Variants in BCKDHB observed in about 807,000 individuals in gnomAD.
BCKDHB encodes branched chain keto acid dehydrogenase E1 subunit beta.
Under a neutral mutation model 48.5 loss-of-function variants are expected in BCKDHB, and 41 were observed. That is an observed-to-expected ratio of 0.85 (90% CI 0.66 to 1.10). The LOEUF is 1.10. Among genes scored for constraint, BCKDHB ranks in the 50% least tolerant of loss-of-function variants. The pLI is 0.00. For missense variants in BCKDHB, 496 were observed against 494.2 expected (o/e 1.00, Z -0.03); for synonymous variants, 201 against 174.8 (o/e 1.15, Z -1.18).
chr6:80,125,100 C>T (rs1770273270), intron 1 of BCKDHB, among the ~76,000 whole-genome samples: 1 of 152,192 alleles, frequency 6.6e-6, no homozygotes, highest in Non-Finnish European at 1.5e-5. Context: ...CCACCTTCAT[C>T]AATGATCTTA....
the BCKDHB span, chr6:80,440,702 C>G: frequency 6.6e-6 from 1 of 151,460 alleles, no homozygotes; most frequent in Non-Finnish European, 1.5e-5. Flanking sequence ...ACTCAGTCAT[C>G]GCTAAGGACT....
chr6:80,311,803 G>A (rs1314894883), intron 9 of BCKDHB, among the ~76,000 whole-genome samples: 2 of 152,152 alleles, frequency 1.3e-5, no homozygotes, highest in East Asian at 1.9e-4. Context: ...TTTTCTACCA[G>A]TAGCATGCTG....
Position 80,188,397 on chromosome 6 carries a change from A to G in BCKDHB, c.743-12537A>G, listed in dbSNP as rs549986357. ...GAGGGTGAGGATCAGAATAATACCT[A>G]TCACTGAGGTTGGTGGATCGCTTGA... On this transcript the variant is annotated intron_variant, in intron 6 of 9. Coordinates refer to ENST00000320393, the MANE Select transcript of BCKDHB (RefSeq NM_183050.4). 7.2e-5 allele frequency among the ~76,000 whole-genome samples: 11 copies of G among 152,200 alleles called. No individual in the cohort carries two copies. The South Asian group carries it at 2.3e-3, about 32-fold the overall frequency.
the BCKDHB span, among the ~76,000 whole-genome samples, chr6:80,412,684 T>G: frequency 2.0e-5 from 3 of 152,176 alleles, no homozygotes; most frequent in Non-Finnish European, 4.4e-5. Flanking sequence ...AATAATTCCC[T>G]TTAATATTGT....
chr6:80,239,866 T>C (rs1023655549), intron 8 of BCKDHB, among the ~76,000 whole-genome samples: 2 of 152,206 alleles, frequency 1.3e-5, no homozygotes, highest in African/African-American at 4.8e-5. Flanking sequence ...GGGAATCCTT[T>C]CCCCATTTCT....
At chr6:80,343,572 A>G (rs1770030821) in intron 9 of BCKDHB, 92 bp from the exon 10 acceptor site, 1 of 1,389,468 alleles carries the variant, frequency 7.2e-7, no homozygotes, top group South Asian at 1.2e-5. Flanking sequence ...ATGCAATTGT[A>G]TTTTTAGTAA....
the BCKDHB span, among the ~76,000 whole-genome samples, chr6:80,377,820 C>T: frequency 1.3e-5 from 2 of 152,106 alleles, no homozygotes; most frequent in African/African-American, 4.8e-5. Context: ...ACATAAAAGT[C>T]CTTTGTAATA....
At chr6:80,400,278 A>G in the BCKDHB span, among the ~76,000 whole-genome samples, 2 of 152,192 alleles carry the variant, frequency 1.3e-5, no homozygotes, top group African/African-American at 4.8e-5. Flanking sequence ...AGAAGCGTAA[A>G]CAGACAACCT....
intron 8 of BCKDHB, among the ~76,000 whole-genome samples, chr6:80,227,223 C>T (rs1205277004): frequency 2.0e-5 from 3 of 152,112 alleles, no homozygotes; most frequent in Non-Finnish European, 4.4e-5. Context: ...GAAGTTATTT[C>T]AGTTTCTTTT....
At chr6:80,111,263 G>A (rs1358593592) in intron 1 of BCKDHB, among the ~76,000 whole-genome samples, 2 of 152,170 alleles carry the variant, frequency 1.3e-5, no homozygotes, top group African/African-American at 4.8e-5. Flanking sequence ...GACGTCCAGA[G>A]TTACCTGGGG....
chr6:80,366,790 C>T, the BCKDHB span, among the ~76,000 whole-genome samples: 238 of 152,270 alleles, frequency 1.6e-3, 1 homozygote, highest in African/African-American at 5.2e-3. Flanking sequence ...GGAATCTAGC[C>T]TACAGTCTAG....
intron 9 of BCKDHB, among the ~76,000 whole-genome samples, chr6:80,293,164 G>C (rs1358662242): frequency 6.6e-6 from 1 of 152,188 alleles, no homozygotes; most frequent in Non-Finnish European, 1.5e-5. Flanking sequence ...CACCCCAGTG[G>C]GGACTCTGTA....
intron 9 of BCKDHB, among the ~76,000 whole-genome samples, chr6:80,279,379 C>G (rs1778105050): frequency 1.3e-5 from 2 of 152,122 alleles, no homozygotes; most frequent in Admixed American, 1.3e-4. Context: ...TGGTCTCGAA[C>G]TCCTGACCTC....
intron 8 of BCKDHB, among the ~76,000 whole-genome samples, chr6:80,260,204 T>C (rs1777235994): frequency 7.6e-6 from 1 of 132,416 alleles, no homozygotes; most frequent in Non-Finnish European, 1.7e-5. Context: ...AAACTGGTGG[T>C]AATGGTGGGT....
chr6:80,140,118 T>A (rs1344264265), intron 3 of BCKDHB, among the ~76,000 whole-genome samples: 2 of 152,178 alleles, frequency 1.3e-5, no homozygotes, highest in Non-Finnish European at 2.9e-5. Context: ...CTTTTATTGG[T>A]GTATAAGAAT....
chr6:80,129,425 A>G lies in BCKDHB; in HGVS notation c.343+196A>G, dbSNP rs6936226. ...TTCTAGTATCCCTCTGATCTAGTTC[A>G]TATTACACATACAGTGTAAATGATT... On this transcript the variant is annotated intron_variant, in intron 3 of 9. Coordinates refer to ENST00000320393, the MANE Select transcript of BCKDHB (RefSeq NM_183050.4). 0.062 allele frequency among the ~76,000 whole-genome samples: 9,422 copies of G among 152,240 alleles called. 302 individuals are homozygous for G. The highest frequency in any genetic ancestry group is 0.082 in the Middle Eastern group (24 of 294).
chr6:80,380,916 A>G, the BCKDHB span, among the ~76,000 whole-genome samples: 1 of 151,736 alleles, frequency 6.6e-6, no homozygotes. Flanking sequence ...TGCTGAAGAC[A>G]TTTATTAGTT....
the BCKDHB span, among the ~76,000 whole-genome samples, chr6:80,387,497 G>A: frequency 6.6e-6 from 1 of 152,230 alleles, no homozygotes; most frequent in Non-Finnish European, 1.5e-5. Flanking sequence ...CATTTGGCCT[G>A]TGCAGAAGAC....
intron 9 of BCKDHB, among the ~76,000 whole-genome samples, chr6:80,282,136 G>A (rs1051996573): frequency 6.6e-5 from 10 of 152,202 alleles, no homozygotes; most frequent in African/African-American, 2.2e-4. Context: ...AATTAATAGG[G>A]CCTTTATTTA....
Sources: gnomAD v4.1 joint callset for allele counts (sites outside exome capture counted in the v4.1 genomes callset) on GRCh38, gnomAD v4.1.1 for gene constraint, MANE v1.5 for transcripts, NCBI Gene and HGNC (gene_info 2026-07-23, HGNC 2026-07-21) for gene names.